The following MCPH1 variants were observed in gnomAD, a reference collection of about 807,000 sequenced individuals.
MCPH1 encodes the protein microcephalin.
Under a neutral mutation model 84.5 loss-of-function variants are expected in MCPH1, and 104 were observed. The ratio of observed to expected loss-of-function variants is 1.23; its 90% CI spans 1.05 to 1.45. The LOEUF (loss-of-function observed/expected upper bound fraction) is 1.45, where lower values mean the gene tolerates loss of function less well. Ranked by LOEUF, MCPH1 falls within the 40% of genes most tolerant of loss-of-function variation. The pLI is 0.00. For synonymous variants in MCPH1, 514 were observed against 366.8 expected (o/e 1.40, Z -4.58); for missense variants, 1,498 against 1,005.7 (o/e 1.49, Z -6.62).
rs977547915 is a variant in MCPH1 at position 6,445,440 on chromosome 8, C to T, written c.1718C>T (p.Ser573Phe). ...NKGTTSKISN[S>F]SEGEAQSEHE... ...GGTACCACTTCCAAAATATCAAACT[C>T]CTCTGAAGGCGAAGCCCAGAGTGAA... Residue 573 changes from serine (S) to phenylalanine (F), a missense_variant, in exon 8 of 14, where the codon TCC becomes TTC. Physicochemically the swap from Ser to Phe is radical, Grantham distance 155 (BLOSUM62 -2). Coordinates refer to ENST00000344683, the MANE Select transcript of MCPH1 (RefSeq NM_024596.5). 4 of 1,614,244 alleles carry T rather than the reference C, an allele frequency of 2.5e-6. No individual in the cohort carries two copies. Among genetic ancestry groups the T allele is most frequent in the Non-Finnish European group, 3.4e-6 (4 of 1,180,048 alleles).
At chr8:6,480,954 G>C (rs1411750155) in intron 11 of MCPH1, 78 bp downstream of exon 11, 15 of 1,526,662 alleles carry the variant, frequency 9.8e-6, no homozygotes, top group African/African-American at 4.1e-5. Flanking sequence ...GCCGACATCA[G>C]CACTCAGGCC....
Position 6,468,594 on chromosome 8 carries a change from G to C in MCPH1, c.1936-9000G>C, listed in dbSNP as rs1022080292. Among the ~76,000 whole-genome samples, 2 of 149,216 alleles carry C rather than the reference G, an allele frequency of 1.3e-5. 1 individual carries two copies. On this transcript the variant is annotated intron_variant, in intron 9 of 13. Coordinates refer to ENST00000344683, the MANE Select transcript of MCPH1 (RefSeq NM_024596.5). ...TTAATTGAGGTGGTGCAGATGTATTGTTTGAACACTTTAGACACTAATGAT... is the reference window on the plus strand; with the variant it reads ...TTAATTGAGGTGGTGCAGATGTATTCTTTGAACACTTTAGACACTAATGAT...
chr8:6,613,605 G>A (rs2980664), intron 12 of MCPH1, among the ~76,000 whole-genome samples: 28,603 of 151,746 alleles, frequency 0.19, 2,901 homozygotes, highest in Non-Finnish European at 0.23. Flanking sequence ...TCCCCGGGGA[G>A]ACAGGAGCCC....
intron 12 of MCPH1, chr8:6,532,409 C>T: frequency 1.2e-6 from 2 of 1,614,136 alleles, no homozygotes; most frequent in Non-Finnish European, 1.7e-6. Context: ...TCTATCATCA[C>T]AGCCGTCTGG....
In MCPH1 at chr8:6,544,004, A is replaced by C. The variant is rs576784531; in HGVS notation, c.2214+44075A>C. Among the ~76,000 whole-genome samples, 9 of 152,324 alleles carry C rather than the reference A, an allele frequency of 5.9e-5. No homozygotes were observed. The East Asian group carries it at 1.7e-3, about 29-fold the overall frequency. ...TTTAAGCATTTTAACCTTGTTTTAG[A>C]TCTGATCAGCAGTAGAATGTTTTCA... is the stretch of plus-strand genomic sequence containing the variant. On this transcript the variant is annotated intron_variant, in intron 12 of 13. Coordinates refer to ENST00000344683, the MANE Select transcript of MCPH1 (RefSeq NM_024596.5).
At chr8:6,552,561 G>A (rs1240677369) in intron 12 of MCPH1, among the ~76,000 whole-genome samples, 1 of 152,182 alleles carries the variant, frequency 6.6e-6, no homozygotes, top group Admixed American at 6.5e-5. Flanking sequence ...GTGAGATATA[G>A]TATAGATCTT....
At chr8:6,510,087 A>G (rs1020096418) in intron 12 of MCPH1, among the ~76,000 whole-genome samples, 4 of 152,244 alleles carry the variant, frequency 2.6e-5, no homozygotes, top group African/African-American at 4.8e-5. Context: ...TACGGCTTAC[A>G]TCGGTCATCT....
At chr8:6,531,340 G>T (rs1819476155) in intron 12 of MCPH1, among the ~76,000 whole-genome samples, 1 of 150,040 alleles carries the variant, frequency 6.7e-6, no homozygotes, top group Non-Finnish European at 1.5e-5. Context: ...CCAGGCTGGA[G>T]TGCAGTGGCA....
At chr8:6,637,034 T>C (rs115577279) in intron 13 of MCPH1, among the ~76,000 whole-genome samples, 2,033 of 152,314 alleles carry the variant, frequency 0.013, 44 homozygotes, top group African/African-American at 0.046. Context: ...AGAAAGAATA[T>C]GTTGAGAACT....
intron 12 of MCPH1, among the ~76,000 whole-genome samples, chr8:6,512,750 A>G (rs1815414666): frequency 6.6e-6 from 1 of 152,222 alleles, no homozygotes; most frequent in African/African-American, 2.4e-5. Context: ...AGAGGCAGAA[A>G]GTAAATTCCC....
chr8:6,570,481 A>ATAGT (rs1461785594), intron 12 of MCPH1, among the ~76,000 whole-genome samples: 1 of 152,110 alleles, frequency 6.6e-6, no homozygotes, highest in Non-Finnish European at 1.5e-5. Flanking sequence ...CCCCCGCATT[A>ATAGT]TAGTTGTGTT....
intron 12 of MCPH1, chr8:6,513,658 A>C: frequency 6.3e-7 from 1 of 1,587,540 alleles, no homozygotes; most frequent in East Asian, 2.3e-5. Flanking sequence ...TTTTCTTTCA[A>C]TTACCATGAA....
In MCPH1 at chr8:6,466,127, GGATTT is replaced by G. The variant is rs1200593171; in HGVS notation, c.1935+10876_1935+10880del. The stretch of plus-strand genomic sequence containing the variant: ...GTGCCACTACACCTGGCTAATTTTT[GGATTT>G]TTTTTTTTTTTTTTTTTTTTCCTGA... On this transcript the variant is annotated intron_variant, in intron 9 of 13. Coordinates refer to ENST00000344683, the MANE Select transcript of MCPH1 (RefSeq NM_024596.5). Among the ~76,000 whole-genome samples, 118 of 125,174 alleles carry G rather than the reference GGATTT, an allele frequency of 9.4e-4. 1 individual carries two copies. The highest frequency in any genetic ancestry group is 4.7e-3 in the Middle Eastern group (1 of 214). 82.1% of individuals were successfully genotyped at this position (125,174 alleles called of 152,430 possible). A position where few individuals can be genotyped will look rare whatever the true frequency, so the allele number is the denominator to read the frequency against.
chr8:6,483,789 G>C (rs887655896), intron 11 of MCPH1, among the ~76,000 whole-genome samples: 1 of 152,118 alleles, frequency 6.6e-6, no homozygotes, highest in Non-Finnish European at 1.5e-5. Context: ...AAACCGGTGA[G>C]ATGGAGGTTG....
chr8:6,439,139 A>AT, intron 6 of MCPH1, 43 bp downstream of exon 6: 2 of 1,581,634 alleles, frequency 1.3e-6, no homozygotes, highest in Non-Finnish European at 1.7e-6. Context: ...CAAATAGCCG[A>AT]TTCAATTATG....
chr8:6,565,247 C>T (rs896849890), intron 12 of MCPH1, among the ~76,000 whole-genome samples: 1 of 152,114 alleles, frequency 6.6e-6, no homozygotes, highest in Non-Finnish European at 1.5e-5. Flanking sequence ...ATATTTGTTC[C>T]TTTTCTTTAC....
intron 12 of MCPH1, among the ~76,000 whole-genome samples, chr8:6,617,669 T>C (rs1830947615): frequency 6.6e-6 from 1 of 152,016 alleles, no homozygotes; most frequent in African/African-American, 2.4e-5. Flanking sequence ...TTGGTTTTTG[T>C]TGGGGGTGGG....
intron 11 of MCPH1, among the ~76,000 whole-genome samples, chr8:6,481,167 A>G (rs961083363): frequency 7.9e-5 from 12 of 152,198 alleles, no homozygotes; most frequent in African/African-American, 2.9e-4. Context: ...AAGAAACGCA[A>G]GATGCATGTT....
chr8:6,597,360 A>G (rs978870828), intron 12 of MCPH1, among the ~76,000 whole-genome samples: 4 of 152,138 alleles, frequency 2.6e-5, no homozygotes, highest in Admixed American at 2.6e-4. Context: ...AAGACATTAG[A>G]CTTCTAGGAA....
Sources: gnomAD v4.1 joint callset for allele counts (sites outside exome capture counted in the v4.1 genomes callset) on GRCh38, gnomAD v4.1.1 for gene constraint, MANE v1.5 for transcripts, NCBI Gene and HGNC (gene_info 2026-07-23, HGNC 2026-07-21) for gene names.